The following CYTH3 variants were observed in gnomAD, a reference collection of about 807,000 sequenced individuals.
CYTH3 encodes the protein cytohesin 3, also known as cytohesin-3.
Under a neutral mutation model 55.1 loss-of-function variants are expected in CYTH3, and 23 were observed. The observed-to-expected ratio is 0.42, with a 90% confidence interval of 0.30 to 0.59. The LOEUF (loss-of-function observed/expected upper bound fraction) is 0.59. Among genes scored for constraint, CYTH3 ranks in the 20% least tolerant of loss-of-function variants. The probability of loss-of-function intolerance (pLI) is 0.20; values close to 1 mark genes in which losing one functional copy is unlikely to be tolerated. For synonymous variants in CYTH3, 249 were observed against 194.9 expected, an observed-to-expected ratio of 1.28 and a Z score of -2.31; for missense variants, 413 against 524.8, an observed-to-expected ratio of 0.79 and a Z score of 2.08.
intron 1 of CYTH3, among the ~76,000 whole-genome samples, chr7:6,191,347 C>T (rs1273541712): frequency 6.6e-6 from 1 of 151,752 alleles, no homozygotes; most frequent in Non-Finnish European, 1.5e-5. Context: ...GACCACAGGC[C>T]GACGAAAATA....
intron 1 of CYTH3, among the ~76,000 whole-genome samples, chr7:6,218,978 C>A (rs917327172): frequency 7.9e-6 from 1 of 126,898 alleles, no homozygotes; most frequent in African/African-American, 3.1e-5. Context: ...GTACTCCAGG[C>A]TGGCAACGGG....
At chr7:6,250,366 C>G (rs183396246) in intron 1 of CYTH3, among the ~76,000 whole-genome samples, 1 of 152,284 alleles carries the variant, frequency 6.6e-6, no homozygotes, top group Admixed American at 6.5e-5. Context: ...GAAGAAAACA[C>G]AAGCAAACCT....
chr7:6,219,694 G>A (rs572353674), intron 1 of CYTH3, among the ~76,000 whole-genome samples: 15 of 152,254 alleles, frequency 9.9e-5, no homozygotes, highest in Admixed American at 9.2e-4. Flanking sequence ...GAAATACAGA[G>A]GAGACCCACA....
At position 6,257,672 on chromosome 7, in the gene CYTH3, GT is replaced by G. The variant is rs1488990322; in HGVS notation, c.34+14801del. 5.9e-5 allele frequency among the ~76,000 whole-genome samples: 9 copies of G among 152,336 alleles called. No homozygotes were observed. In the South Asian group the frequency reaches 1.9e-3, roughly 32 times the overall value. On this transcript the variant is annotated intron_variant, in intron 1 of 12. Coordinates refer to ENST00000350796, the MANE Select transcript of CYTH3 (RefSeq NM_004227.4). ...TGAATATTTATGGCAGAGAAAAGGTGTTTTTCTCTTCGCACTCTATGGCGAG... is the reference window on the plus strand; with the variant it reads ...TGAATATTTATGGCAGAGAAAAGGTGTTTTCTCTTCGCACTCTATGGCGAG...
At chr7:6,183,720 A>G (rs1250067417) in intron 4 of CYTH3, among the ~76,000 whole-genome samples, 1 of 152,162 alleles carries the variant, frequency 6.6e-6, no homozygotes, top group East Asian at 1.9e-4. Flanking sequence ...TGCAGCTGTG[A>G]ACGAAATGTC....
At chr7:6,236,269 T>C (rs1779520727) in intron 1 of CYTH3, among the ~76,000 whole-genome samples, 1 of 151,546 alleles carries the variant, frequency 6.6e-6, no homozygotes. Flanking sequence ...AGTGGCACAA[T>C]CTTGCTTCAC....
intron 5 of CYTH3, among the ~76,000 whole-genome samples, chr7:6,175,481 T>C (rs1783322553): frequency 6.6e-6 from 1 of 152,044 alleles, no homozygotes; most frequent in Admixed American, 6.5e-5. Context: ...CTGAATGCTG[T>C]TCCATCATTT....
At chr7:6,165,908 G>C in intron 9 of CYTH3, 98 bp from the exon 10 acceptor site, 4 of 1,228,958 alleles carry the variant, frequency 3.3e-6, no homozygotes, top group Middle Eastern at 2.6e-4. Context: ...TGCGTTTTCA[G>C]AAAGGCCACC....
At chr7:6,272,410 G>GGGGGGGGGGGGCCCCC in intron 1 of CYTH3, 64 bp downstream of exon 1, 1 of 1,216,614 alleles carries the variant, frequency 8.2e-7, no homozygotes, top group Non-Finnish European at 1.1e-6. Flanking sequence ...CCGCGCCCTC[G>GGGGGGGGGGGGCCCCC]ACCCCCAGCC....
At chr7:6,179,866 AC>A (rs1224558831) in intron 4 of CYTH3, among the ~76,000 whole-genome samples, 1 of 104,488 alleles carries the variant, frequency 9.6e-6, no homozygotes, top group African/African-American at 4.5e-5. Flanking sequence ...CACCACACAC[AC>A]CCACACACAC....
At chr7:6,239,261 A>G (rs1779611057) in intron 1 of CYTH3, among the ~76,000 whole-genome samples, 1 of 152,094 alleles carries the variant, frequency 6.6e-6, no homozygotes, top group Admixed American at 6.6e-5. Flanking sequence ...GAGAGGAGAG[A>G]AGAGGGAAAT....
chr7:6,246,075 T>G (rs1779806611), intron 1 of CYTH3, among the ~76,000 whole-genome samples: 1 of 151,958 alleles, frequency 6.6e-6, no homozygotes, highest in Admixed American at 6.6e-5. Flanking sequence ...TCTAAATAAT[T>G]TTTAATTTTT....
chr7:6,163,948 ACAT>A lies in CYTH3; in HGVS notation c.*993_*995del, dbSNP rs913132398. 2.0e-5 allele frequency: 3 copies of A among 152,222 alleles called. No individual in the cohort carries two copies. The highest frequency in any genetic ancestry group is 6.5e-5 in the Admixed American group (1 of 15,280). 9.4% of individuals were successfully genotyped at this position (152,222 alleles called of 1,614,324 possible). On this transcript the variant is annotated 3_prime_UTR_variant, in exon 13 of 13. Coordinates refer to ENST00000350796, the MANE Select transcript of CYTH3 (RefSeq NM_004227.4). ...TGCCATGTGTGTGCATCTAAACAAAACATCAGCAGTTTCACGTGGCTCAGCGTA... is the reference window on the plus strand; with the variant it reads ...TGCCATGTGTGTGCATCTAAACAAAACAGCAGTTTCACGTGGCTCAGCGTA...
chr7:6,189,556 G>T lies in CYTH3; in HGVS notation c.117+893C>A, dbSNP rs113238507. ...ACTCCTGGGCTCAAGAGATCCTCCT[G>T]CCTTGGCCTCCCAAAGTGCTGGGAT... On this transcript the variant is annotated intron_variant, in intron 2 of 12. Coordinates refer to ENST00000350796, the MANE Select transcript of CYTH3 (RefSeq NM_004227.4). Among the ~76,000 whole-genome samples, 5 of 152,048 alleles carry T rather than the reference G, an allele frequency of 3.3e-5. No individual in the cohort carries two copies. In the East Asian group the frequency reaches 9.8e-4, roughly 30 times the overall value.
At chr7:6,207,329 C>T (rs1379306597) in intron 1 of CYTH3, among the ~76,000 whole-genome samples, 4 of 152,172 alleles carry the variant, frequency 2.6e-5, no homozygotes, top group Non-Finnish European at 5.9e-5. Context: ...CTCCTGACCT[C>T]GTGATCCACT....
chr7:6,268,296 T>C (rs1780559481), intron 1 of CYTH3, among the ~76,000 whole-genome samples: 1 of 152,150 alleles, frequency 6.6e-6, no homozygotes, highest in Non-Finnish European at 1.5e-5. Flanking sequence ...GCCTCCCGCG[T>C]AGCTGAGATT....
rs754304399 is a variant in CYTH3, at chr7:6,187,680, G to T, written c.159C>A (p.Asp53Glu). The T allele has an allele frequency of 6.2e-7, 1 of 1,614,052 alleles. No individual in the cohort carries two copies. Among genetic ancestry groups the T allele is most frequent in the Non-Finnish European group, 8.5e-7 (1 of 1,179,918 alleles). ...ACCTCTCCTCTACGGAAGTTAGATTGTCGATCTCTGTCATCACCTCTGCAA... is the reference window on the plus strand; with the variant it reads ...ACCTCTCCTCTACGGAAGTTAGATTTTCGATCTCTGTCATCACCTCTGCAA... ...YEIAEVMTEIDNLTSVEESKT... is the reference protein window; with the variant it reads ...YEIAEVMTEIENLTSVEESKT... Residue 53 changes from aspartate (D) to glutamate (E), a missense_variant, in exon 3 of 13, where the codon GAC becomes GAA. Physicochemically the swap from Asp to Glu is conservative, Grantham distance 45. Around this residue, in one of 4 missense-constraint regions of CYTH3, gnomAD observed 152 missense variants for 148.1 expected, o/e 1.03. Coordinates refer to ENST00000350796, the MANE Select transcript of CYTH3 (RefSeq NM_004227.4).
intron 1 of CYTH3, among the ~76,000 whole-genome samples, chr7:6,265,167 G>C (rs1357430985): frequency 6.6e-6 from 1 of 151,976 alleles, no homozygotes; most frequent in Non-Finnish European, 1.5e-5. Flanking sequence ...ATGTCAAAGA[G>C]ATAGCAGGGG....
intron 1 of CYTH3, among the ~76,000 whole-genome samples, chr7:6,259,360 T>C (rs529778600): frequency 8.5e-4 from 130 of 152,292 alleles, no homozygotes; most frequent in African/African-American, 3.0e-3. Context: ...AGCAGGAACT[T>C]TTATTCTCTC....
Sources: allele counts gnomAD v4.1 joint callset (sites outside exome capture counted in the v4.1 genomes callset), GRCh38; gene constraint gnomAD v4.1.1; regional missense constraint gnomAD v4.1.1; transcripts MANE v1.5; gene names NCBI Gene and HGNC (gene_info 2026-07-23, HGNC 2026-07-21).